ZNF76: variants seen among roughly 807,000 people sequenced by gnomAD.
The protein encoded by ZNF76 is zinc finger protein 523.
ZNF76 carries 66 observed loss-of-function variants against 66.9 expected under a neutral mutation model. That is an observed-to-expected ratio of 0.99 (90% CI 0.81 to 1.21). The LOEUF is 1.21. Ranked by LOEUF, ZNF76 falls within the 50% of genes most tolerant of loss-of-function variation. The pLI is 0.00. For missense variants in ZNF76, 729 were observed against 760.3 expected (o/e 0.96, Z 0.48); for synonymous variants, 275 against 296.1 (o/e 0.93, Z 0.73).
chr6:35,281,569 A>G (rs1788775691), intron 2 of ZNF76, among the ~76,000 whole-genome samples: 1 of 152,212 alleles, frequency 6.6e-6, no homozygotes, highest in Admixed American at 6.5e-5. Flanking sequence ...AGTGCTTTCT[A>G]GAAGCAGTTT....
intron 1 of ZNF76, among the ~76,000 whole-genome samples, chr6:35,276,181 TCA>T (rs1272375646): frequency 6.6e-6 from 1 of 152,192 alleles, no homozygotes; most frequent in Non-Finnish European, 1.5e-5. Context: ...TATATATTAA[TCA>T]CATTTATATG....
At chr6:35,276,465 C>A (rs1787905983) in intron 1 of ZNF76, among the ~76,000 whole-genome samples, 1 of 152,178 alleles carries the variant, frequency 6.6e-6, no homozygotes, top group African/African-American at 2.4e-5. Flanking sequence ...CTCATTTAAT[C>A]CCTTACAGCA....
chr6:35,290,954 C>T (rs1790294066), intron 7 of ZNF76: 1 of 599,546 alleles, frequency 1.7e-6, no homozygotes, highest in Non-Finnish European at 3.0e-6. Context: ...CTTGTGTCAG[C>T]TCTGATGCCA....
At position 35,294,574 on chromosome 6, in the gene ZNF76, G is replaced by A. The variant is rs1351337598; in HGVS notation, c.1608+5G>A. 3.7e-6 allele frequency: 6 copies of A among 1,601,542 alleles called. No individual in the cohort carries two copies. The highest frequency in any genetic ancestry group is 1.7e-4 in the Middle Eastern group (1 of 6,050). On this transcript the variant is annotated splice_donor_5th_base_variant and intron_variant, in intron 13 of 13. Coordinates refer to ENST00000373953, the MANE Select transcript of ZNF76 (RefSeq NM_003427.5). ...GGAACGCACATTGCAGTGCAGGTGA[G>A]TAGAGATCTGGGAGGAAAGGGGATC...
chr6:35,294,966 C>CCTAT (rs973160230), intron 13 of ZNF76, 178 bp from the exon 14 acceptor site: 25 of 603,656 alleles, frequency 4.1e-5, no homozygotes, highest in African/African-American at 4.1e-4. Flanking sequence ...CATGCCTAGC[C>CCTAT]TAATAGGACT....
chr6:35,295,279 G>A lies in ZNF76; in HGVS notation c.*31G>A. 6 of 1,551,696 alleles carry A rather than the reference G, an allele frequency of 3.9e-6. No homozygotes were observed. Among genetic ancestry groups the A allele is most frequent in the Non-Finnish European group, 5.2e-6 (6 of 1,143,008 alleles). Reference sequence around the variant, plus strand: ...AGAGGGCTGGGTCCCACACCATGCTGGAGGAAGTGCCATCTGCATGGCCAC... The same window carrying A: ...AGAGGGCTGGGTCCCACACCATGCTAGAGGAAGTGCCATCTGCATGGCCAC... On this transcript the variant is annotated 3_prime_UTR_variant, in exon 14 of 14. Transcript: ENST00000373953.
chr6:35,287,950 G>T lies in ZNF76; in HGVS notation c.432+105G>T. The T allele has an allele frequency of 7.6e-7, 1 of 1,312,094 alleles. No individual in the cohort carries two copies. The highest frequency in any genetic ancestry group is 1.1e-6 in the Non-Finnish European group (1 of 940,492). 81.3% of individuals were successfully genotyped at this position (1,312,094 alleles called of 1,614,324 possible). On this transcript the variant is annotated intron_variant, in intron 5 of 13. Coordinates refer to ENST00000373953, the MANE Select transcript of ZNF76 (RefSeq NM_003427.5). The surrounding 1 kb of genome is among the most constrained non-coding windows in gnomAD (Gnocchi z 4.0). ...AACTTCACCTCTCAAGAGGACAAGGGCAGCCCTGTGCTTGGGCACCATGTG... is the reference window on the plus strand; with the variant it reads ...AACTTCACCTCTCAAGAGGACAAGGTCAGCCCTGTGCTTGGGCACCATGTG...
chr6:35,264,064 T>C (rs1785631057), intron 1 of ZNF76, among the ~76,000 whole-genome samples: 1 of 152,232 alleles, frequency 6.6e-6, no homozygotes, highest in African/African-American at 2.4e-5. Flanking sequence ...TTTCTTTATC[T>C]TCTGTCTTCA....
At position 35,264,067 on chromosome 6, in the gene ZNF76, T is replaced by A. The variant is rs891469601; in HGVS notation, c.-97+4226T>A. Among the ~76,000 whole-genome samples, 3 of 152,340 alleles carry A rather than the reference T, an allele frequency of 2.0e-5. No homozygotes were observed. The East Asian group carries it at 5.8e-4, about 29-fold the overall frequency. ...CACCTGGCTGGTTTTCTTTATCTTC[T>A]GTCTTCATCTCTTCCCTCACATTTA... On this transcript the variant is annotated intron_variant, in intron 1 of 13. Transcript: ENST00000373953.
intron 1 of ZNF76, among the ~76,000 whole-genome samples, chr6:35,280,297 G>T (rs1368043979): frequency 6.6e-6 from 1 of 152,138 alleles, no homozygotes; most frequent in Admixed American, 6.5e-5. Context: ...GGAGTTCGAG[G>T]TTACAGTGAA....
chr6:35,288,014 TCACCTGTCACA>T, intron 5 of ZNF76, 169 bp downstream of exon 5: 1 of 763,442 alleles, frequency 1.3e-6, no homozygotes, highest in Non-Finnish European at 2.3e-6. Flanking sequence ...CTCCCCCAAC[TCACCTGTCACA>T]CATCATTGTC....
chr6:35,269,397 C>T (rs1254972489), intron 1 of ZNF76, among the ~76,000 whole-genome samples: 1 of 151,576 alleles, frequency 6.6e-6, no homozygotes, highest in Non-Finnish European at 1.5e-5. Flanking sequence ...GCTCATTATA[C>T]TGTCATTACC....
At chr6:35,265,964 A>G (rs1214462269) in intron 1 of ZNF76, among the ~76,000 whole-genome samples, 2 of 152,128 alleles carry the variant, frequency 1.3e-5, no homozygotes, top group African/African-American at 4.8e-5. Flanking sequence ...AACGGGGCAA[A>G]AATGGAAGGA....
chr6:35,264,931 A>T (rs976035533), intron 1 of ZNF76, among the ~76,000 whole-genome samples: 4 of 152,054 alleles, frequency 2.6e-5, no homozygotes, highest in African/African-American at 4.8e-5. Flanking sequence ...GGAAAGAGGG[A>T]CTGAGGGCTG....
chr6:35,279,675 C>G (rs958239662), intron 1 of ZNF76: 1 of 152,006 alleles, frequency 6.6e-6, no homozygotes, highest in Non-Finnish European at 1.5e-5. Flanking sequence ...GATCCACTGT[C>G]CTCGGCCTCC....
At chr6:35,290,883 C>G (rs1033109826) in intron 7 of ZNF76, 167 bp downstream of exon 7, 3 of 677,636 alleles carry the variant, frequency 4.4e-6, no homozygotes, top group East Asian at 5.4e-5. Context: ...TACGGGAGTG[C>G]AAGGCAGCAT....
intron 2 of ZNF76, among the ~76,000 whole-genome samples, chr6:35,283,415 A>G (rs1040578934): frequency 3.3e-5 from 5 of 152,222 alleles, no homozygotes; most frequent in Non-Finnish European, 7.3e-5. Flanking sequence ...TGGAAGCCCT[A>G]AAATTGTAAG....
chr6:35,266,069 G>C (rs1786006968), intron 1 of ZNF76, among the ~76,000 whole-genome samples: 1 of 152,120 alleles, frequency 6.6e-6, no homozygotes, highest in African/African-American at 2.4e-5. Flanking sequence ...GAAGTGGTTG[G>C]CTTCTGGATG....
intron 1 of ZNF76, among the ~76,000 whole-genome samples, chr6:35,266,014 G>A (rs188629214): frequency 6.2e-4 from 94 of 152,308 alleles, no homozygotes; most frequent in African/African-American, 2.2e-3. Flanking sequence ...GTCTAAACAA[G>A]AGAAGTTGGT....
Sources: allele counts gnomAD v4.1 joint callset (sites outside exome capture counted in the v4.1 genomes callset), GRCh38; gene constraint gnomAD v4.1.1; non-coding constraint Gnocchi (gnomAD v3.1); transcripts MANE v1.5; gene names NCBI Gene and HGNC (gene_info 2026-07-23, HGNC 2026-07-21).